ERBIN: variants seen among roughly 807,000 people sequenced by gnomAD.
ERBIN encodes densin-180-like protein.
A neutral mutation model predicts 158.4 loss-of-function variants in ERBIN; 60 were observed. The ratio of observed to expected loss-of-function variants is 0.38; its 90% CI spans 0.31 to 0.47. The LOEUF (loss-of-function observed/expected upper bound fraction) is 0.47. Among genes scored for constraint, ERBIN ranks in the 20% least tolerant of loss-of-function variants. ERBIN has a pLI of 0.99. For missense variants in ERBIN, 1,610 were observed against 1,648.0 expected (o/e 0.98, Z 0.40); for synonymous variants, 594 against 557.2 (o/e 1.07, Z -0.93).
intron 18 of ERBIN, among the ~76,000 whole-genome samples, chr5:66,047,645 A>G (rs183335183): frequency 7.0e-4 from 106 of 152,180 alleles, no homozygotes; most frequent in African/African-American, 2.4e-3. Context: ...ATACATCTTC[A>G]TCCCTAAAAT....
chr5:66,030,241 C>G (rs1277132452), intron 14 of ERBIN, among the ~76,000 whole-genome samples: 1 of 150,956 alleles, frequency 6.6e-6, no homozygotes, highest in Non-Finnish European at 1.5e-5. Flanking sequence ...GGGGTTTCAC[C>G]ATGTTGGCCA....
At chr5:65,967,158 A>G (rs1005878382) in intron 1 of ERBIN, among the ~76,000 whole-genome samples, 5 of 152,128 alleles carry the variant, frequency 3.3e-5, no homozygotes, top group African/African-American at 1.2e-4. Flanking sequence ...TGTGTTTTAC[A>G]CCATGTTATT....
At chr5:65,998,223 C>G (rs933116337) in intron 4 of ERBIN, among the ~76,000 whole-genome samples, 1 of 145,904 alleles carries the variant, frequency 6.9e-6, no homozygotes, top group African/African-American at 2.5e-5. Context: ...GCAAGACTCT[C>G]AAAAAAAAAT....
rs1356742928 is a variant in ERBIN at position 66,050,746 on chromosome 5, G to A, written c.1904-37G>A. The A allele has an allele frequency of 3.7e-6, 5 of 1,342,740 alleles. No individual in the cohort carries two copies. In the African/African-American group the frequency reaches 4.5e-5, roughly 12 times the overall value. 83.2% of individuals were successfully genotyped at this position (1,342,740 alleles called of 1,614,324 possible). ...GAAAAGAATTTCACACAATTCTTGG[G>A]GAATTTATCATTAATCTTAAATTTG... On this transcript the variant is annotated intron_variant, in intron 19 of 25. Coordinates refer to ENST00000284037, the MANE Select transcript of ERBIN (RefSeq NM_001253697.2).
chr5:65,994,500 A>G (rs1182217966), intron 3 of ERBIN, among the ~76,000 whole-genome samples: 1 of 152,312 alleles, frequency 6.6e-6, no homozygotes, highest in East Asian at 1.9e-4. Flanking sequence ...TCAACAGAGG[A>G]TATAGCCATA....
At chr5:65,961,570 T>C (rs1250421247) in intron 1 of ERBIN, among the ~76,000 whole-genome samples, 2 of 152,182 alleles carry the variant, frequency 1.3e-5, no homozygotes, top group African/African-American at 2.4e-5. Flanking sequence ...CATGGACTTG[T>C]AAGTTAACAT....
At position 66,054,174 on chromosome 5, in the gene ERBIN, C is replaced by T. The variant is rs34528338; in HGVS notation, c.2856C>T (p.Pro952=). ...AIFKFDSNHN[P]EEPNIIRGPT... ...TCAAGTTTGATTCAAATCATAATCC[C>T]GAAGAGCCAAATATAATAAGAGGCC... Residue 952 remains proline (P), a synonymous_variant, in exon 21 of 26, where the codon CCC becomes CCT. Transcript: ENST00000284037. 1,954 of 1,614,006 alleles carry T rather than the reference C, an allele frequency of 1.2e-3. 19 individuals are homozygous for T. The African/African-American group carries it at 0.023, about 19-fold the overall frequency.
chr5:65,935,786 A>T (rs1580063818), intron 1 of ERBIN, among the ~76,000 whole-genome samples: 1 of 152,124 alleles, frequency 6.6e-6, no homozygotes, highest in African/African-American at 2.4e-5. Context: ...GTGCAGTGGC[A>T]TGATCACTGC....
intron 1 of ERBIN, among the ~76,000 whole-genome samples, chr5:65,944,157 T>C (rs939281280): frequency 6.6e-6 from 1 of 152,004 alleles, no homozygotes. Context: ...TTTGGATATA[T>C]ACACCGAAGC....
chr5:66,078,134 G>A (rs988090347), intron 25 of ERBIN, among the ~76,000 whole-genome samples: 1 of 152,154 alleles, frequency 6.6e-6, no homozygotes, highest in Non-Finnish European at 1.5e-5. Flanking sequence ...GGTCACCTCA[G>A]ATACACATTA....
Position 66,012,099 on chromosome 5 carries a change from G to T in ERBIN, c.358G>T (p.Val120Leu). The T allele has an allele frequency of 6.2e-7, 1 of 1,606,790 alleles. No individual in the cohort carries two copies. The highest frequency in any genetic ancestry group is 8.5e-7 in the Non-Finnish European group (1 of 1,175,964). Reference sequence around the variant, plus strand: ...AAAAAATTGTAAAGTTTTGACAATTGTGGAGGCCAGTGTAAACCCTATTTC... The same window carrying T: ...AAAAAATTGTAAAGTTTTGACAATTTTGGAGGCCAGTGTAAACCCTATTTC... ...NIKNCKVLTI[V>L]EASVNPISKL... The change falls in exon 5 of 26, where the codon GTG becomes TTG. Residue 120 changes from valine (V) to leucine (L), a missense_variant. Val to Leu is a conservative substitution (Grantham distance 32, BLOSUM62 1). Coordinates refer to ENST00000284037, the MANE Select transcript of ERBIN (RefSeq NM_001253697.2).
intron 1 of ERBIN, among the ~76,000 whole-genome samples, chr5:65,937,016 C>T (rs536051653): frequency 6.6e-5 from 10 of 152,220 alleles, no homozygotes; most frequent in African/African-American, 2.4e-4. Context: ...TATGTAAGAA[C>T]ATAAGTTTTG....
chr5:66,043,288 C>A, intron 16 of ERBIN, 90 bp downstream of exon 16: 2 of 1,303,390 alleles, frequency 1.5e-6, no homozygotes, highest in East Asian at 2.4e-5. Flanking sequence ...GGGGATATAA[C>A]AAAGTATTGA....
chr5:65,958,197 T>C (rs1747468481), intron 1 of ERBIN, among the ~76,000 whole-genome samples: 1 of 151,928 alleles, frequency 6.6e-6, no homozygotes, highest in African/African-American at 2.4e-5. Context: ...GCAGAGACGC[T>C]CCTCACTTCC....
chr5:66,012,700 A>G (rs956629174), intron 5 of ERBIN, among the ~76,000 whole-genome samples: 3 of 152,222 alleles, frequency 2.0e-5, no homozygotes, highest in Admixed American at 6.5e-5. Flanking sequence ...ATGACTAGAA[A>G]GAAGCATAGC....
intron 1 of ERBIN, among the ~76,000 whole-genome samples, chr5:65,944,850 T>C (rs79989761): frequency 0.04 from 6,094 of 152,252 alleles, 413 homozygotes; most frequent in African/African-American, 0.14. Context: ...TGAATTGTAG[T>C]AGTTAATATA....
intron 1 of ERBIN, among the ~76,000 whole-genome samples, chr5:65,928,024 G>C (rs961241314): frequency 7.9e-5 from 12 of 152,076 alleles, no homozygotes; most frequent in Non-Finnish European, 1.3e-4. Flanking sequence ...TTGATGTTTA[G>C]ATTGCCTATG....
intron 21 of ERBIN, among the ~76,000 whole-genome samples, chr5:66,057,364 A>G (rs1002723856): frequency 1.3e-5 from 2 of 152,166 alleles, no homozygotes; most frequent in East Asian, 1.9e-4. Context: ...GTTTATTGCT[A>G]TTATCTTCAT....
At chr5:65,939,535 C>CCCTCTCCCT (rs1301540463) in intron 1 of ERBIN, among the ~76,000 whole-genome samples, 1 of 140,818 alleles carries the variant, frequency 7.1e-6, no homozygotes, top group Admixed American at 6.7e-5. Flanking sequence ...TCCCTCTCCC[C>CCCTCTCCCT]CCTCTCCCTC....
Sources: gnomAD v4.1 joint callset for allele counts (sites outside exome capture counted in the v4.1 genomes callset) on GRCh38, gnomAD v4.1.1 for gene constraint, MANE v1.5 for transcripts, NCBI Gene and HGNC (gene_info 2026-07-23, HGNC 2026-07-21) for gene names.